TGS1: variants seen among roughly 807,000 people sequenced by gnomAD.
The protein encoded by TGS1 is trimethylguanosine synthase.
In TGS1, 69 loss-of-function variants were observed where a neutral mutation model predicts 92.2. The ratio of observed to expected loss-of-function variants is 0.75; its 90% CI spans 0.62 to 0.91. The LOEUF (loss-of-function observed/expected upper bound fraction) is 0.91. TGS1 is among the 40% of genes least tolerant of loss of function. The pLI is 0.00. For missense variants in TGS1, 1,062 were observed against 1,001.2 expected (o/e 1.06, Z -0.82); for synonymous variants, 345 against 338.1 (o/e 1.02, Z -0.22).
At chr8:55,774,440 A>G (rs934673966) in intron 1 of TGS1, among the ~76,000 whole-genome samples, 3 of 152,214 alleles carry the variant, frequency 2.0e-5, no homozygotes, top group African/African-American at 7.2e-5. Context: ...GACTTTTAAT[A>G]TAGTTTAATA....
chr8:55,773,615 T>C lies in TGS1; in HGVS notation c.-4T>C. ...TACGTCAGAGCTGCCTCCGAAGTGG[T>C]AAAATGTGCTGCGAGAAGTGGAGCC... On this transcript the variant is annotated 5_prime_UTR_variant, in exon 1 of 13. Coordinates refer to ENST00000260129, the MANE Select transcript of TGS1 (RefSeq NM_024831.8). The C allele has an allele frequency of 6.2e-7, 1 of 1,608,754 alleles. No individual in the cohort carries two copies.
chr8:55,818,049 A>G (rs1055974751), intron 12 of TGS1, among the ~76,000 whole-genome samples: 4 of 152,214 alleles, frequency 2.6e-5, no homozygotes, highest in Admixed American at 6.5e-5. Flanking sequence ...TCATTCTGCC[A>G]CACAGCGACA....
At position 55,804,896 on chromosome 8, in the gene TGS1, G is replaced by A. The variant is rs1812322135; in HGVS notation, c.2003G>A (p.Gly668Asp). The change falls in exon 10 of 13, where the codon GGC becomes GAC. Residue 668 changes from glycine to aspartate, a missense_variant. Coordinates refer to ENST00000260129, the MANE Select transcript of TGS1 (RefSeq NM_024831.8). ...CACAAATACTCTTCCTTTGCAGAGGGCTGGTTTTCAGTTACACCCGAGAAG... is the reference window on the plus strand; with the variant it reads ...CACAAATACTCTTCCTTTGCAGAGGACTGGTTTTCAGTTACACCCGAGAAG... ...FDDGIKLDREGWFSVTPEKIA... is the reference protein window; with the variant it reads ...FDDGIKLDREDWFSVTPEKIA... 2 of 1,613,392 alleles carry A rather than the reference G, an allele frequency of 1.2e-6. No homozygotes were observed. Among genetic ancestry groups the A allele is most frequent in the Admixed American group, 1.7e-5 (1 of 59,962 alleles).
chr8:55,808,076 A>G (rs1437391127), intron 10 of TGS1, among the ~76,000 whole-genome samples: 2 of 152,206 alleles, frequency 1.3e-5, no homozygotes, highest in Non-Finnish European at 2.9e-5. Context: ...TGCACTGAAA[A>G]TGATCTTATC....
rs1193333884 is a variant in TGS1 at position 55,799,050 on chromosome 8, A to T, written c.1679A>T (p.Asp560Val). ...CAAGACATGTCTGTTAAAAAAGGTG[A>T]TGACCTACTGGAGACTAATAATCCA... ...EEQDMSVKKG[D>V]DLLETNNPEP... The change falls in exon 8 of 13, where the codon GAT (aspartate) becomes GTT (valine). Residue 560 changes from aspartate (D) to valine (V), a missense_variant. Transcript: ENST00000260129. 2.5e-6 allele frequency: 4 copies of T among 1,614,086 alleles called. No individual in the cohort carries two copies. The highest frequency in any genetic ancestry group is 3.4e-6 in the Non-Finnish European group (4 of 1,180,034).
chr8:55,799,095 G>A lies in TGS1; in HGVS notation c.1724G>A (p.Ser575Asn), dbSNP rs368671308. 7 of 1,614,058 alleles carry A rather than the reference G, an allele frequency of 4.3e-6. No individual in the cohort carries two copies. Among genetic ancestry groups the A allele is most frequent in the Non-Finnish European group, 5.9e-6 (7 of 1,180,034 alleles). ...TNNPEPEKCQ[S>N]VSSAGELETE... ...AATCCAGAACCTGAAAAGTGTCAGA[G>A]CGTATCTTCAGCTGGTGAACTTGAA... The change falls in exon 8 of 13, where the codon AGC becomes AAC. Residue 575 changes from serine to asparagine, a missense_variant. Transcript: ENST00000260129.
chr8:55,808,194 A>G (rs1803232507), intron 10 of TGS1, among the ~76,000 whole-genome samples: 1 of 152,192 alleles, frequency 6.6e-6, no homozygotes, highest in South Asian at 2.1e-4. Flanking sequence ...TGGTCTCCTG[A>G]TAGCCTAGAG....
intron 12 of TGS1, among the ~76,000 whole-genome samples, chr8:55,818,499 A>G (rs1384318574): frequency 1.3e-5 from 2 of 152,228 alleles, no homozygotes; most frequent in African/African-American, 2.4e-5. Context: ...GTGCTTAATC[A>G]TACACTGCAA....
intron 12 of TGS1, among the ~76,000 whole-genome samples, chr8:55,821,834 C>A (rs1803647344): frequency 6.6e-6 from 1 of 151,776 alleles, no homozygotes; most frequent in South Asian, 2.1e-4. Context: ...GAGATCACGC[C>A]ACTGCACTCC....
At chr8:55,813,580 A>G (rs1056629800) in intron 12 of TGS1, among the ~76,000 whole-genome samples, 2 of 152,146 alleles carry the variant, frequency 1.3e-5, no homozygotes, top group African/African-American at 4.8e-5. Context: ...CATATTCTGA[A>G]TTTCACTGTA....
Position 55,786,817 on chromosome 8 carries a change from T to A in TGS1, c.919T>A (p.Ser307Thr). ...ACCTATTATGGTTGATAATGATAGCTCTGGTACAAGTGATAAGGATCATAG... is the reference window on the plus strand; with the variant it reads ...ACCTATTATGGTTGATAATGATAGCACTGGTACAAGTGATAAGGATCATAG... ...SSPIMVDNDS[S>T]GTSDKDHSEI... The change falls in exon 4 of 13, where the codon TCT becomes ACT. Residue 307 changes from serine (S) to threonine (T), a missense_variant. Physicochemically the swap from Ser to Thr is moderately conservative, Grantham distance 58 (BLOSUM62 1). Transcript: ENST00000260129. 2 of 1,614,130 alleles carry A rather than the reference T, an allele frequency of 1.2e-6. No individual in the cohort carries two copies. Among genetic ancestry groups the A allele is most frequent in the East Asian group, 4.5e-5 (2 of 44,882 alleles).
intron 8 of TGS1, 70 bp downstream of exon 8, chr8:55,799,290 T>C (rs888380606): frequency 1.8e-5 from 25 of 1,395,168 alleles, no homozygotes; most frequent in Non-Finnish European, 2.4e-5. Context: ...TGTTTTTTCT[T>C]AGTTTTCACT....
intron 2 of TGS1, among the ~76,000 whole-genome samples, chr8:55,784,061 CTT>C (rs1218506250): frequency 6.6e-6 from 1 of 152,164 alleles, no homozygotes; most frequent in Non-Finnish European, 1.5e-5. Context: ...AGAGATTTCT[CTT>C]TATCAGTCTT....
Position 55,810,924 on chromosome 8 carries a change from CAAT to C in TGS1, c.2191_2193del (p.Asn731del). On this transcript the variant is annotated inframe_deletion, in exon 11 of 13. Coordinates refer to ENST00000260129, the MANE Select transcript of TGS1 (RefSeq NM_024831.8). ...ATCCTGTTAAGATTGCCCTTGCTCG[CAAT>C]AATGCAGAAGTTTATGGGATAGCAG... 6.2e-7 allele frequency: 1 copy of C among 1,614,124 alleles called. No individual in the cohort carries two copies. The highest frequency in any genetic ancestry group is 8.5e-7 in the Non-Finnish European group (1 of 1,180,024).
At chr8:55,789,865 C>A (rs558331475) in intron 4 of TGS1, among the ~76,000 whole-genome samples, 1 of 152,190 alleles carries the variant, frequency 6.6e-6, no homozygotes, top group Non-Finnish European at 1.5e-5. Context: ...GTGCTTGATA[C>A]AAGAGTAGGT....
chr8:55,787,100 G>A, intron 4 of TGS1, 40 bp downstream of exon 4: 5 of 1,454,350 alleles, frequency 3.4e-6, no homozygotes, highest in Non-Finnish European at 4.7e-6. Context: ...GTAATGGTTA[G>A]CAAAATGAAT....
chr8:55,818,947 G>A (rs1406011411), intron 12 of TGS1, among the ~76,000 whole-genome samples: 1 of 152,066 alleles, frequency 6.6e-6, no homozygotes, highest in African/African-American at 2.4e-5. Context: ...TTTTGGTGGG[G>A]TTTTTTTCTT....
At chr8:55,774,227 G>A (rs1028046701) in intron 1 of TGS1, among the ~76,000 whole-genome samples, 17 of 152,110 alleles carry the variant, frequency 1.1e-4, no homozygotes, top group African/African-American at 4.1e-4. Context: ...TTTGAATCAG[G>A]TAAAAATTGC....
At chr8:55,821,280 C>G (rs1488449826) in intron 12 of TGS1, among the ~76,000 whole-genome samples, 1 of 152,204 alleles carries the variant, frequency 6.6e-6, no homozygotes, top group Non-Finnish European at 1.5e-5. Flanking sequence ...CTCTCCCAGC[C>G]AGAATGTAAA....
Sources: allele counts gnomAD v4.1 joint callset (sites outside exome capture counted in the v4.1 genomes callset), GRCh38; gene constraint gnomAD v4.1.1; transcripts MANE v1.5; gene names NCBI Gene and HGNC (gene_info 2026-07-23, HGNC 2026-07-21).